The following CHRD variants were observed in gnomAD, a reference collection of about 807,000 sequenced individuals.
CHRD encodes the protein chordin.
CHRD carries 69 observed loss-of-function variants against 113.7 expected under a neutral mutation model. The observed-to-expected ratio is 0.61, with a 90% CI of 0.50 to 0.74. The LOEUF (loss-of-function observed/expected upper bound fraction) is 0.74, where lower values mean the gene tolerates loss of function less well. CHRD is among the 30% of genes least tolerant of loss of function. CHRD has a pLI of 0.00. For missense variants in CHRD, 1,194 were observed against 1,295.8 expected (o/e 0.92, Z 1.21); for synonymous variants, 561 against 540.8 (o/e 1.04, Z -0.52).
chr3:184,382,047 T>C, intron 6 of CHRD, 27 bp downstream of exon 6: 5 of 1,612,072 alleles, frequency 3.1e-6, no homozygotes. Flanking sequence ...TATGAGCACT[T>C]GCCCAGTCTG....
chr3:184,382,936 C>G, exon 9 of CHRD: 1 of 1,614,036 alleles, frequency 6.2e-7, no homozygotes, highest in Non-Finnish European at 8.5e-7. Flanking sequence ...TGTCTCAGCC[C>G]AGGTGAGTGG....
In CHRD at chr3:184,384,893, GC is replaced by G; in HGVS notation, c.1598-122del. ...GGGTCTAAAACTTGCTGCTCTCCAG[GC>G]CCTGGACCTATGGACAGTGTCTTCC... On this transcript the variant is annotated intron_variant, in intron 13 of 22. Transcript: ENST00000204604. This position sits in a 1 kb window ranked among gnomAD's most constrained non-coding sequence, Gnocchi z 4.4. 1 of 1,236,842 alleles carries G rather than the reference GC, an allele frequency of 8.1e-7. No homozygotes were observed. Among genetic ancestry groups the G allele is most frequent in the Non-Finnish European group, 1.1e-6 (1 of 874,114 alleles). The allele number at this position is 1,236,842 out of a possible 1,614,324, so 76.6% of individuals were successfully genotyped here.
chr3:184,389,700 G>C, exon 23 of CHRD: 1 of 417,218 alleles, frequency 2.4e-6, no homozygotes, highest in Non-Finnish European at 4.4e-6. Context: ...AATGTCACTG[G>C]CTTGTTGGGA....
At position 184,387,225 on chromosome 3, in the gene CHRD, G is replaced by A. The variant is rs1229271388; in HGVS notation, c.2347+118G>A. 3 of 1,281,914 alleles carry A rather than the reference G, an allele frequency of 2.3e-6. No homozygotes were observed. In the East Asian group the frequency reaches 7.1e-5, roughly 31 times the overall value. 79.4% of individuals were successfully genotyped at this position (1,281,914 alleles called of 1,614,324 possible). On this transcript the variant is annotated intron_variant, in intron 18 of 22. Coordinates refer to ENST00000204604, the Ensembl canonical transcript of CHRD. The surrounding 1 kb of genome is among the most constrained non-coding windows in gnomAD (Gnocchi z 6.1). ...GTGGCCTGAGGGGCACAGATTCCAAGTGATGCCTGACAGGACTCATTAGTG... is the reference window on the plus strand; with the variant it reads ...GTGGCCTGAGGGGCACAGATTCCAAATGATGCCTGACAGGACTCATTAGTG...
rs758294135 is a variant in CHRD at position 184,380,347 on chromosome 3, C to T, written c.29C>T (p.Pro10Leu). Residue 10 changes from proline (P) to leucine (L), a missense_variant, in exon 1 of 23, where the codon CCG (proline) becomes CTG (leucine). Transcript: ENST00000204604. This position sits in a 1 kb window ranked among gnomAD's most constrained non-coding sequence, Gnocchi z 6.3. ...CCGAGCCTCCCGGCCCCGCCGGCCC[C>T]GCTGCTGCTCCTCGGGCTGCTGCTG... The T allele has an allele frequency of 1.2e-5, 16 of 1,356,680 alleles. No individual in the cohort carries two copies. The Admixed American group carries it at 2.4e-4, about 20-fold the overall frequency. 84.0% of individuals were successfully genotyped at this position (1,356,680 alleles called of 1,614,324 possible).
Position 184,388,395 on chromosome 3 carries a change from C to T in CHRD, c.2555-192C>T, listed in dbSNP as rs551384489. Among the ~76,000 whole-genome samples, 1 of 85,994 alleles carries T rather than the reference C, an allele frequency of 1.2e-5. No homozygotes were observed. The highest frequency in any genetic ancestry group is 2.3e-4 in the East Asian group (1 of 4,280). 56.4% of individuals were successfully genotyped at this position (85,994 alleles called of 152,430 possible). ...CCCATCCACCCATTGATGCATCCAT[C>T]CATCCATCCATCCATCCATCCATCC... On this transcript the variant is annotated intron_variant, in intron 20 of 22. Coordinates refer to ENST00000204604, the Ensembl canonical transcript of CHRD. The surrounding 1 kb of genome is among the most constrained non-coding windows in gnomAD (Gnocchi z 6.1).
Position 184,384,626 on chromosome 3 carries a change from C to T in CHRD, c.1530C>T (p.Phe510=). Residue 510 remains phenylalanine (F), a synonymous_variant, in exon 13 of 23, where the codon TTC becomes TTT. Coordinates refer to ENST00000204604, the Ensembl canonical transcript of CHRD. The surrounding 1 kb of genome is among the most constrained non-coding windows in gnomAD (Gnocchi z 4.4). ...TCCTGAACGTGGGCACCAAGGACTTCCCAGACGGAGAGCTTCGGGGGCACG... is the reference window on the plus strand; with the variant it reads ...TCCTGAACGTGGGCACCAAGGACTTTCCAGACGGAGAGCTTCGGGGGCACG... 6.2e-7 allele frequency: 1 copy of T among 1,609,270 alleles called. No individual in the cohort carries two copies. The highest frequency in any genetic ancestry group is 8.5e-7 in the Non-Finnish European group (1 of 1,177,846).
At position 184,386,042 on chromosome 3, in the gene CHRD, G is replaced by T. The variant is rs1342637134; in HGVS notation, c.1819-4G>T. 6.2e-7 allele frequency: 1 copy of T among 1,614,030 alleles called. No homozygotes were observed. Among genetic ancestry groups the T allele is most frequent in the Non-Finnish European group, 8.5e-7 (1 of 1,179,996 alleles). On this transcript the variant is annotated splice_region_variant and splice_polypyrimidine_tract_variant and intron_variant, in intron 14 of 22. Transcript: ENST00000204604. ...TTCCTATCCATTGTCCTGTCTATGT[G>T]CAGGCCCAGGGTGTGGTGAAGGACC...
exon 7 of CHRD, chr3:184,382,526 T>G: frequency 6.2e-7 from 1 of 1,613,866 alleles, no homozygotes; most frequent in South Asian, 1.1e-5. Flanking sequence ...GGGCCCTGGC[T>G]GCAGGTAGGG....
Position 184,380,249 on chromosome 3 carries a change from C to G in CHRD, c.-70C>G. 7.5e-6 allele frequency: 3 copies of G among 397,710 alleles called. No individual in the cohort carries two copies. Among genetic ancestry groups the G allele is most frequent in the Non-Finnish European group, 1.1e-5 (3 of 274,328 alleles). 24.6% of individuals were successfully genotyped at this position (397,710 alleles called of 1,614,324 possible). A position where few individuals can be genotyped will look rare whatever the true frequency, so the allele number is the denominator to read the frequency against. On this transcript the variant is annotated 5_prime_UTR_variant, in exon 1 of 23. Coordinates refer to ENST00000204604, the Ensembl canonical transcript of CHRD. This position sits in a 1 kb window ranked among gnomAD's most constrained non-coding sequence, Gnocchi z 6.3. ...GGCCCGGCCCTCCGCCCTCCGCACTCCCGCCTCCCTCCCTCCGCCCGCTCC... is the reference window on the plus strand; with the variant it reads ...GGCCCGGCCCTCCGCCCTCCGCACTGCCGCCTCCCTCCCTCCGCCCGCTCC...
In CHRD at chr3:184,380,738, C is replaced by T. The variant is rs140559964; in HGVS notation, c.195C>T (p.His65=). 475 of 1,599,888 alleles carry T rather than the reference C, an allele frequency of 3.0e-4. No individual in the cohort carries two copies. Among genetic ancestry groups the T allele is most frequent in the Non-Finnish European group, 3.8e-4 (443 of 1,177,044 alleles). The change falls in exon 2 of 23, where the codon CAC becomes CAT. Residue 65 remains histidine, a synonymous_variant. Transcript: ENST00000204604. This position sits in a 1 kb window ranked among gnomAD's most constrained non-coding sequence, Gnocchi z 6.3. ...TCTATGCCTTGGACGAGACGTGGCA[C>T]CCGGACCTAGGGGAGCCATTCGGGG...
At position 184,381,572 on chromosome 3, in the gene CHRD, C is replaced by G. The variant is rs1384470175; in HGVS notation, c.459C>G (p.Ser153Arg). Reference sequence around the variant, plus strand: ...GGGACCCGGAGCATCGCAGTTATAGCGACCGCGGGGAGCCAGGCGCTGAGG... The same window carrying G: ...GGGACCCGGAGCATCGCAGTTATAGGGACCGCGGGGAGCCAGGCGCTGAGG... The change falls in exon 4 of 23, where the codon AGC becomes AGG. Residue 153 changes from serine (S) to arginine (R), a missense_variant. By Grantham distance (110) the Ser-to-Arg change is moderately radical. Coordinates refer to ENST00000204604, the Ensembl canonical transcript of CHRD. The surrounding 1 kb of genome is among the most constrained non-coding windows in gnomAD (Gnocchi z 4.7). The G allele has an allele frequency of 3.2e-5, 52 of 1,608,156 alleles. No homozygotes were observed. The highest frequency in any genetic ancestry group is 4.2e-5 in the Non-Finnish European group (50 of 1,177,674).
exon 12 of CHRD, chr3:184,383,594 G>A (rs781311416): frequency 8.1e-6 from 13 of 1,614,026 alleles, no homozygotes; most frequent in Non-Finnish European, 1.0e-5. Flanking sequence ...GGAGGGATCA[G>A]CGCACTGTCC....
exon 14 of CHRD, chr3:184,385,134 G>T (rs372747842): frequency 5.0e-6 from 8 of 1,614,080 alleles, no homozygotes; most frequent in African/African-American, 2.7e-5. Flanking sequence ...AGTGCTGCTG[G>T]CTGGGCTTGG....
Position 184,380,362 on chromosome 3 carries a change from G to GGCT in CHRD, c.54_56dup (p.Leu19dup). ...CCGCCGGCCCCGCTGCTGCTCCTCG[G>GGCT]GCTGCTGCTGCTCGGCTCCCGGCCG... On this transcript the variant is annotated inframe_insertion, in exon 1 of 23. Transcript: ENST00000204604. The surrounding 1 kb of genome is among the most constrained non-coding windows in gnomAD (Gnocchi z 6.3). 4 of 1,355,544 alleles carry GGCT rather than the reference G, an allele frequency of 3.0e-6. No homozygotes were observed. The East Asian group carries it at 1.1e-4, about 36-fold the overall frequency. The allele number at this position is 1,355,544 out of a possible 1,614,324, so 84.0% of individuals were successfully genotyped here.
chr3:184,384,627 C>T lies in CHRD; in HGVS notation c.1531C>T (p.Pro511Ser). Reference sequence around the variant, plus strand: ...CCTGAACGTGGGCACCAAGGACTTCCCAGACGGAGAGCTTCGGGGGCACGT... The same window carrying T: ...CCTGAACGTGGGCACCAAGGACTTCTCAGACGGAGAGCTTCGGGGGCACGT... Residue 511 changes from proline (P) to serine (S), a missense_variant, in exon 13 of 23, where the codon CCA (proline) becomes TCA (serine). Coordinates refer to ENST00000204604, the Ensembl canonical transcript of CHRD. The surrounding 1 kb of genome is among the most constrained non-coding windows in gnomAD (Gnocchi z 4.4). 6.2e-7 allele frequency: 1 copy of T among 1,609,094 alleles called. No individual in the cohort carries two copies. The highest frequency in any genetic ancestry group is 8.5e-7 in the Non-Finnish European group (1 of 1,177,762).
At chr3:184,386,982 C>A (rs116510729) in intron 17 of CHRD, 44 bp downstream of exon 17, 180 of 1,613,710 alleles carry the variant, frequency 1.1e-4, no homozygotes, top group Non-Finnish European at 1.3e-4. Flanking sequence ...TGGCCCAGTG[C>A]GGACAGGTCC....
Position 184,388,967 on chromosome 3 carries a change from C to T in CHRD, c.2784C>T (p.Cys928=). 6.2e-7 allele frequency: 1 copy of T among 1,612,128 alleles called. No homozygotes were observed. Among genetic ancestry groups the T allele is most frequent in the South Asian group, 1.1e-5 (1 of 91,064 alleles). ...GTGGCTCGGGGAAGGAGAGTCGATG[C>T]TGTTCCCGCTGCACGGCCCACCGGC... Residue 928 remains cysteine (C), a synonymous_variant, in exon 22 of 23, where the codon TGC becomes TGT. Coordinates refer to ENST00000204604, the Ensembl canonical transcript of CHRD. The surrounding 1 kb of genome is among the most constrained non-coding windows in gnomAD (Gnocchi z 6.1).
At chr3:184,386,117 G>C in exon 15 of CHRD, 1 of 1,614,220 alleles carries the variant, frequency 6.2e-7, no homozygotes, top group Non-Finnish European at 8.5e-7. Context: ...CCTCCCTGAT[G>C]ATCACCACCA....
Sources: allele counts gnomAD v4.1 joint callset (sites outside exome capture counted in the v4.1 genomes callset), GRCh38; gene constraint gnomAD v4.1.1; non-coding constraint Gnocchi (gnomAD v3.1); transcripts MANE v1.5; gene names NCBI Gene and HGNC (gene_info 2026-07-23, HGNC 2026-07-21).